Variants in CTNNA3 observed in about 807,000 individuals in gnomAD.
The protein encoded by CTNNA3 is catenin alpha-3.
A neutral mutation model predicts 95.7 loss-of-function variants in CTNNA3; 76 were observed. The ratio of observed to expected loss-of-function variants is 0.79; its 90% confidence interval spans 0.66 to 0.96. The LOEUF (loss-of-function observed/expected upper bound fraction) is 0.96. CTNNA3 is among the 40% of genes least tolerant of loss of function. The pLI is 0.00. For missense variants in CTNNA3, 1,191 were observed against 1,089.8 expected (o/e 1.09, Z -1.31); for synonymous variants, 431 against 374.4 (o/e 1.15, Z -1.74).
chr10:67,420,150 T>A (rs552687184), intron 5 of CTNNA3, among the ~76,000 whole-genome samples: 1 of 152,288 alleles, frequency 6.6e-6, no homozygotes, highest in African/African-American at 2.4e-5. Context: ...CATCAGCTAA[T>A]AAGCTAACAG....
rs1254022742 is a variant in CTNNA3 at position 65,919,275 on chromosome 10, A to G, written c.*1055T>C. On this transcript the variant is annotated 3_prime_UTR_variant, in exon 18 of 18. Transcript: ENST00000433211. ...GTGACTGGAGTTGTAAAATGACCCC[A>G]GTGACTTTTATTTAAAAGAACGTTA... The G allele has an allele frequency of 6.6e-6, 1 of 152,198 alleles. No individual in the cohort carries two copies. Among genetic ancestry groups the G allele is most frequent in the Non-Finnish European group, 1.5e-5 (1 of 68,038 alleles). 9.4% of individuals were successfully genotyped at this position (152,198 alleles called of 1,614,324 possible).
At chr10:67,705,893 T>G (rs187650711) in intron 1 of CTNNA3, among the ~76,000 whole-genome samples, 103 of 152,152 alleles carry the variant, frequency 6.8e-4, no homozygotes, top group African/African-American at 2.4e-3. Flanking sequence ...CAGAGTCCAA[T>G]TAACTAGAGC....
In CTNNA3 at chr10:66,164,217, T is replaced by A. The variant is rs1283277448; in HGVS notation, c.1885-60968A>T. On this transcript the variant is annotated intron_variant, in intron 13 of 17. Transcript: ENST00000433211. The stretch of plus-strand genomic sequence containing the variant: ...CTTGCAGGCCAATCACATTTTATTT[T>A]AATTTTAAAATTAAAAACCCAAATA... Among the ~76,000 whole-genome samples the A allele has an allele frequency of 7.2e-5, 11 of 152,334 alleles. No individual in the cohort carries two copies. The South Asian group carries it at 2.3e-3, about 32-fold the overall frequency.
intron 1 of CTNNA3, among the ~76,000 whole-genome samples, chr10:67,713,199 G>T (rs1050458435): frequency 6.6e-6 from 1 of 152,196 alleles, no homozygotes; most frequent in Non-Finnish European, 1.5e-5. Flanking sequence ...ATCATCACTG[G>T]TCATTAGAGA....
chr10:66,813,552 T>A (rs1218120161), intron 7 of CTNNA3, among the ~76,000 whole-genome samples: 2 of 152,224 alleles, frequency 1.3e-5, no homozygotes, highest in African/African-American at 4.8e-5. Context: ...GAAATTCATA[T>A]GTAATTATTT....
intron 7 of CTNNA3, among the ~76,000 whole-genome samples, chr10:66,984,720 A>T (rs1014944883): frequency 1.3e-5 from 2 of 152,152 alleles, no homozygotes; most frequent in African/African-American, 4.8e-5. Context: ...CTAAAGTCAC[A>T]CTTAAATGAC....
chr10:66,201,319 T>C (rs1427321911), intron 13 of CTNNA3, among the ~76,000 whole-genome samples: 1 of 152,210 alleles, frequency 6.6e-6, no homozygotes, highest in Non-Finnish European at 1.5e-5. Flanking sequence ...GGGTTGCTAA[T>C]AGTTGATCCT....
rs140431271 is a variant in CTNNA3 at position 66,689,380 on chromosome 10, G to T, written c.1282-67596C>A. On this transcript the variant is annotated intron_variant, in intron 9 of 17. Transcript: ENST00000433211. Reference sequence around the variant, plus strand: ...CTCTCTCCAAAATTAGGTAATCAAAGAAAACTATTAATTCCTGAGAAATTG... The same window carrying T: ...CTCTCTCCAAAATTAGGTAATCAAATAAAACTATTAATTCCTGAGAAATTG... Among the ~76,000 whole-genome samples, 986 of 152,254 alleles carry T rather than the reference G, an allele frequency of 6.5e-3. 13 individuals carry two copies. The highest frequency in any genetic ancestry group is 0.022 in the African/African-American group (922 of 41,542).
intron 11 of CTNNA3, among the ~76,000 whole-genome samples, chr10:66,483,540 T>A (rs543490164): frequency 1.3e-5 from 2 of 152,268 alleles, no homozygotes; most frequent in East Asian, 3.9e-4. Flanking sequence ...TAGGTTCCCT[T>A]ACATTTTAGT....
chr10:67,104,006 T>C (rs1411822110), intron 7 of CTNNA3, among the ~76,000 whole-genome samples: 5 of 151,812 alleles, frequency 3.3e-5, no homozygotes, highest in Non-Finnish European at 7.4e-5. Flanking sequence ...CCCTTGAATA[T>C]TGATGTCATA....
chr10:67,372,508 C>A (rs1400249709), intron 5 of CTNNA3, among the ~76,000 whole-genome samples: 3 of 152,114 alleles, frequency 2.0e-5, no homozygotes, highest in Non-Finnish European at 2.9e-5. Context: ...GATTGGTGTA[C>A]CTGAAAGTGA....
chr10:67,705,346 C>G (rs1242870567), intron 1 of CTNNA3, among the ~76,000 whole-genome samples: 47 of 151,702 alleles, frequency 3.1e-4, no homozygotes, highest in African/African-American at 1.1e-3. Context: ...TATTGCGGCA[C>G]TATTCACAAG....
At chr10:67,352,111 T>C (rs1175539551) in intron 5 of CTNNA3, among the ~76,000 whole-genome samples, 1 of 151,948 alleles carries the variant, frequency 6.6e-6, no homozygotes, top group East Asian at 1.9e-4. Flanking sequence ...AATAAGCAAA[T>C]ATACTTCCAT....
At chr10:65,958,455 G>GGAGAAGA (rs1451355484) in intron 17 of CTNNA3, among the ~76,000 whole-genome samples, 1 of 152,154 alleles carries the variant, frequency 6.6e-6, no homozygotes, top group Non-Finnish European at 1.5e-5. Context: ...TTCCTTTGTA[G>GGAGAAGA]GAGAAGAGAT....
At chr10:66,629,724 T>G (rs746777831) in intron 9 of CTNNA3, among the ~76,000 whole-genome samples, 3 of 152,114 alleles carry the variant, frequency 2.0e-5, no homozygotes, top group Non-Finnish European at 4.4e-5. Flanking sequence ...GTTCTCTCTT[T>G]GCTTCAGCTA....
At chr10:66,850,770 A>T (rs1265848601) in intron 7 of CTNNA3, among the ~76,000 whole-genome samples, 2 of 152,146 alleles carry the variant, frequency 1.3e-5, no homozygotes, top group Non-Finnish European at 2.9e-5. Context: ...TAAGGAGCTC[A>T]GACCATTGCA....
intron 7 of CTNNA3, among the ~76,000 whole-genome samples, chr10:67,115,241 A>G (rs978295342): frequency 8.5e-5 from 13 of 152,122 alleles, no homozygotes; most frequent in South Asian, 2.1e-4. Flanking sequence ...CCAGGTGATC[A>G]TGAAAAAGAA....
intron 12 of CTNNA3, among the ~76,000 whole-genome samples, chr10:66,319,700 A>T (rs1474518624): frequency 6.6e-6 from 1 of 152,152 alleles, no homozygotes; most frequent in East Asian, 1.9e-4. Context: ...AAACAATTAC[A>T]TTGGTTAATC....
intron 5 of CTNNA3, among the ~76,000 whole-genome samples, chr10:67,264,300 T>C (rs555778747): frequency 6.6e-6 from 1 of 150,534 alleles, no homozygotes; most frequent in South Asian, 2.1e-4. Context: ...CCTAAGTCAT[T>C]GTTGTTTGTG....
Sources: gnomAD v4.1 joint callset for allele counts (sites outside exome capture counted in the v4.1 genomes callset) on GRCh38, gnomAD v4.1.1 for gene constraint, MANE v1.5 for transcripts, NCBI Gene and HGNC (gene_info 2026-07-23, HGNC 2026-07-21) for gene names.